Variants in LMBR1 observed in about 807,000 individuals in gnomAD.
LMBR1 encodes limb region 1 protein homolog.
Under a neutral mutation model 73.9 loss-of-function variants are expected in LMBR1, and 52 were observed. That is an observed-to-expected ratio of 0.70 (90% CI 0.56 to 0.89). The LOEUF (loss-of-function observed/expected upper bound fraction) is 0.89. LMBR1 is among the 40% of genes least tolerant of loss of function. LMBR1 has a pLI of 0.00. For synonymous variants in LMBR1, 215 were observed against 209.4 expected, an observed-to-expected ratio of 1.03 and a Z score of -0.23; for missense variants, 539 against 579.8, an observed-to-expected ratio of 0.93 and a Z score of 0.72.
chr7:156,671,213 G>C (rs1585104532), intron 4 of LMBR1, among the ~76,000 whole-genome samples: 1 of 152,230 alleles, frequency 6.6e-6, no homozygotes, highest in Non-Finnish European at 1.5e-5. Context: ...ATGGAAGACA[G>C]AGCAGGATGG....
In LMBR1 at chr7:156,762,846, A is replaced by AGTGTGTGT. The variant is rs35976164; in HGVS notation, c.619+254_619+261dup. On this transcript the variant is annotated intron_variant, in intron 7 of 16. Transcript: ENST00000353442. ...GAGTGTGTGAAAGTGTGTGAGTGTG[A>AGTGTGTGT]GTGTGTGTGTGTGTGTGTGTGTGTG... Among the ~76,000 whole-genome samples the AGTGTGTGT allele has an allele frequency of 6.1e-3, 909 of 148,618 alleles. 2 individuals carry two copies. Among genetic ancestry groups the AGTGTGTGT allele is most frequent in the African/African-American group, 0.016 (658 of 40,462 alleles).
chr7:156,742,706 C>T (rs1036471089), intron 9 of LMBR1, among the ~76,000 whole-genome samples: 3 of 152,134 alleles, frequency 2.0e-5, no homozygotes, highest in African/African-American at 7.2e-5. Context: ...AATACCAATC[C>T]TATTCAAACT....
At chr7:156,797,331 T>C (rs751638830) in intron 4 of LMBR1, among the ~76,000 whole-genome samples, 1 of 152,164 alleles carries the variant, frequency 6.6e-6, no homozygotes, top group Non-Finnish European at 1.5e-5. Flanking sequence ...GGTAAAAAAA[T>C]AAAATTTAAA....
At chr7:156,845,545 T>A (rs1230809533) in intron 1 of LMBR1, among the ~76,000 whole-genome samples, 1 of 151,978 alleles carries the variant, frequency 6.6e-6, no homozygotes, top group African/African-American at 2.4e-5. Context: ...AAGAAAACAC[T>A]GATAGAATGA....
intron 4 of LMBR1, among the ~76,000 whole-genome samples, chr7:156,810,024 C>T (rs1006057045): frequency 6.6e-6 from 1 of 151,954 alleles, no homozygotes; most frequent in African/African-American, 2.4e-5. Context: ...TGTGTTAGCC[C>T]ACTTTGCATT....
intron 15 of LMBR1, among the ~76,000 whole-genome samples, chr7:156,688,535 G>A (rs1485845176): frequency 2.0e-5 from 3 of 151,972 alleles, no homozygotes; most frequent in Admixed American, 6.6e-5. Flanking sequence ...ATGCTCTACC[G>A]AGACAGGACG....
chr7:156,854,026 T>G (rs1305995898), intron 1 of LMBR1, among the ~76,000 whole-genome samples: 1 of 150,638 alleles, frequency 6.6e-6, no homozygotes, highest in African/African-American at 2.4e-5. Flanking sequence ...AAAAGCAATC[T>G]TCAAGTAAAT....
intron 1 of LMBR1, among the ~76,000 whole-genome samples, chr7:156,890,308 T>C (rs1012562411): frequency 1.6e-4 from 25 of 151,890 alleles, no homozygotes; most frequent in African/African-American, 6.0e-4. Context: ...ACATTAAAAG[T>C]ACTCAAAAAA....
intron 1 of LMBR1, among the ~76,000 whole-genome samples, chr7:156,842,909 C>T (rs1333912207): frequency 6.6e-6 from 1 of 152,136 alleles, no homozygotes; most frequent in African/African-American, 2.4e-5. Context: ...TAGCTCTCTC[C>T]TCCCCTTTCC....
chr7:156,875,527 A>G, intron 1 of LMBR1, among the ~76,000 whole-genome samples: 1 of 152,214 alleles, frequency 6.6e-6, no homozygotes, highest in East Asian at 1.9e-4. Context: ...TCAACTTATC[A>G]AAAGTCAAGA....
rs187346656 is a variant in LMBR1 at position 156,873,470 on chromosome 7, G to A, written c.66+19458C>T. Among the ~76,000 whole-genome samples the A allele has an allele frequency of 2.3e-3, 349 of 152,098 alleles. 5 individuals carry two copies. Among genetic ancestry groups the A allele is most frequent in the East Asian group, 1.5e-3 (8 of 5,182 alleles). ...CCACAGTGTGGAAGGTGACCCGAGC[G>A]GGTTGCCAATGCTGGCTCGGGCAGC... On this transcript the variant is annotated intron_variant, in intron 1 of 16. Transcript: ENST00000353442.
rs547512612 is a variant in LMBR1 at position 156,683,147 on chromosome 7, G to T, written c.*931C>A. Reference sequence around the variant, plus strand: ...TATGCAAATGTAACCAAAGCCTGAGGACTATGAAGAAAGAGGAGTTTCTAC... The same window carrying T: ...TATGCAAATGTAACCAAAGCCTGAGTACTATGAAGAAAGAGGAGTTTCTAC... On this transcript the variant is annotated 3_prime_UTR_variant, in exon 17 of 17. Coordinates refer to ENST00000353442, the MANE Select transcript of LMBR1 (RefSeq NM_022458.4). 6.6e-6 allele frequency: 1 copy of T among 152,150 alleles called. No homozygotes were observed. Among genetic ancestry groups the T allele is most frequent in the South Asian group, 2.1e-4 (1 of 4,826 alleles). The allele number at this position is 152,150 out of a possible 1,614,324, so 9.4% of individuals were successfully genotyped here.
rs1803468930 is a variant in LMBR1, at chr7:156,893,070, G to A, written c.-77C>T. 6.8e-6 allele frequency: 9 copies of A among 1,322,840 alleles called. 1 individual carries two copies. In the South Asian group the frequency reaches 1.8e-4, roughly 26 times the overall value. The allele number at this position is 1,322,840 out of a possible 1,614,324, so 81.9% of individuals were successfully genotyped here. A position where few individuals can be genotyped will look rare whatever the true frequency, so the allele number is the denominator to read the frequency against. On this transcript the variant is annotated 5_prime_UTR_variant, in exon 1 of 17. Coordinates refer to ENST00000353442, the MANE Select transcript of LMBR1 (RefSeq NM_022458.4). ...CATCGTCCGCCCGCCGCAGGGGCTC[G>A]GACAGCCGCGCCGGGGACCGGAGCC...
intron 1 of LMBR1, among the ~76,000 whole-genome samples, chr7:156,842,515 G>C (rs1452206605): frequency 2.0e-5 from 3 of 152,192 alleles, no homozygotes; most frequent in African/African-American, 4.8e-5. Flanking sequence ...CTGGGAAAGG[G>C]AGAGATAAGG....
At chr7:156,775,193 C>T (rs1299091928) in intron 5 of LMBR1, among the ~76,000 whole-genome samples, 1 of 151,978 alleles carries the variant, frequency 6.6e-6, no homozygotes, top group South Asian at 2.1e-4. Context: ...CATGGAGAAA[C>T]CCCATCTCTA....
At chr7:156,748,162 G>T (rs1352874829) in intron 9 of LMBR1, among the ~76,000 whole-genome samples, 2 of 152,060 alleles carry the variant, frequency 1.3e-5, no homozygotes, top group Non-Finnish European at 1.5e-5. Flanking sequence ...ACAAAAATAT[G>T]GCTATTGACC....
rs929547626 is a variant in LMBR1, at chr7:156,720,924, T to C, written c.1225+3188A>G. ...AGAGAAAGCCCAGGGTACAGATAAATAGGGATTACCAAAACCCCAAATAAA... is the reference window on the plus strand; with the variant it reads ...AGAGAAAGCCCAGGGTACAGATAAACAGGGATTACCAAAACCCCAAATAAA... On this transcript the variant is annotated intron_variant, in intron 15 of 16. Coordinates refer to ENST00000353442, the MANE Select transcript of LMBR1 (RefSeq NM_022458.4). Among the ~76,000 whole-genome samples, 3 of 151,942 alleles carry C rather than the reference T, an allele frequency of 2.0e-5. No homozygotes were observed. The East Asian group carries it at 5.8e-4, about 29-fold the overall frequency.
intron 15 of LMBR1, among the ~76,000 whole-genome samples, 198 bp from the exon 16 acceptor site, chr7:156,688,389 T>C (rs2131888189): frequency 6.6e-6 from 1 of 152,090 alleles, no homozygotes; most frequent in South Asian, 2.1e-4. Flanking sequence ...CTAACCTACT[T>C]CACATACACG....
chr7:156,879,957 C>T (rs1465795796), intron 1 of LMBR1, among the ~76,000 whole-genome samples: 2 of 152,158 alleles, frequency 1.3e-5, no homozygotes, highest in Admixed American at 1.3e-4. Flanking sequence ...TGTTAAAGAA[C>T]TAAAAGTAGA....
Sources: gnomAD v4.1 joint callset for allele counts (sites outside exome capture counted in the v4.1 genomes callset) on GRCh38, gnomAD v4.1.1 for gene constraint, MANE v1.5 for transcripts, NCBI Gene and HGNC (gene_info 2026-07-23, HGNC 2026-07-21) for gene names.